The following DOK7 variants were observed in gnomAD, a reference collection of about 807,000 sequenced individuals.
DOK7 encodes the protein docking protein 7.
In DOK7, 32 loss-of-function variants were observed where a neutral mutation model predicts 30.7. The observed-to-expected ratio is 1.04, with a 90% CI of 0.79 to 1.40. The LOEUF (loss-of-function observed/expected upper bound fraction) is 1.40, where lower values mean the gene tolerates loss of function less well. Ranked by LOEUF, DOK7 falls within the 40% of genes most tolerant of loss-of-function variation. DOK7 has a pLI of 0.00. For synonymous variants in DOK7, 447 were observed against 324.1 expected, an observed-to-expected ratio of 1.38 and a Z score of -4.07; for missense variants, 1,007 against 699.2, an observed-to-expected ratio of 1.44 and a Z score of -4.97.
At chr4:3,473,382 C>T in intron 2 of DOK7, 24 bp from the exon 3 acceptor site, 4 of 1,608,908 alleles carry the variant, frequency 2.5e-6, no homozygotes, top group Non-Finnish European at 3.4e-6. Context: ...TGGCTGGCGT[C>T]CCTGACGGCC....
downstream of DOK7, among the ~76,000 whole-genome samples, chr4:3,496,038 T>A (rs1728891988): frequency 1.3e-5 from 2 of 152,008 alleles, no homozygotes; most frequent in Admixed American, 6.5e-5. Context: ...AACAGGAGGG[T>A]GCTGCGCCTT....
intron 4 of DOK7, among the ~76,000 whole-genome samples, chr4:3,482,375 C>T (rs986700787): frequency 6.6e-6 from 1 of 152,254 alleles, no homozygotes; most frequent in African/African-American, 2.4e-5. Context: ...AAGCACTGTG[C>T]CGGCTGTTGG....
chr4:3,478,383 G>GC (rs1727236059), intron 4 of DOK7, among the ~76,000 whole-genome samples: 1 of 152,214 alleles, frequency 6.6e-6, no homozygotes, highest in African/African-American at 2.4e-5. Flanking sequence ...AGGCTACTGT[G>GC]CCGTTTTCCT....
At chr4:3,500,669 C>T (rs753261160) in intron 7 of DOK7, 24 of 1,535,678 alleles carry the variant, frequency 1.6e-5, no homozygotes, top group Admixed American at 1.4e-4. Flanking sequence ...CGCAGGCTGC[C>T]GCTCACTACA....
intron 4 of DOK7, among the ~76,000 whole-genome samples, chr4:3,483,198 G>A (rs1455704773): frequency 4.0e-5 from 3 of 74,846 alleles, no homozygotes; most frequent in Non-Finnish European, 8.1e-5. Flanking sequence ...ATGTAGGGGT[G>A]TGGAGGGTGG....
intron 2 of DOK7, among the ~76,000 whole-genome samples, chr4:3,467,276 C>G (rs532290785): frequency 2.0e-5 from 3 of 151,990 alleles, no homozygotes; most frequent in East Asian, 1.9e-4. Flanking sequence ...CGGCTTCTCC[C>G]CCTCCTCCTT....
chr4:3,489,644 C>T (rs1019100913), intron 5 of DOK7, 33 bp from the exon 6 acceptor site: 12 of 1,559,072 alleles, frequency 7.7e-6, no homozygotes, highest in Admixed American at 1.9e-5. Flanking sequence ...CGGTGGTGGC[C>T]ACCTCCTCCA....
At chr4:3,470,107 C>T (rs995509972) in intron 2 of DOK7, among the ~76,000 whole-genome samples, 1 of 152,216 alleles carries the variant, frequency 6.6e-6, no homozygotes, top group Non-Finnish European at 1.5e-5. Context: ...CCAGGCTTCC[C>T]AGAGGGGCTC....
Position 3,484,849 on chromosome 4 carries a change from G to T in DOK7, c.533-690G>T, listed in dbSNP as rs543311244. 39 of 985,472 alleles carry T rather than the reference G, an allele frequency of 4.0e-5. No individual in the cohort carries two copies. In the African/African-American group the frequency reaches 6.5e-4, roughly 16 times the overall value. 61.0% of individuals were successfully genotyped at this position (985,472 alleles called of 1,614,324 possible). ...GCTGCAGCATGTGTGGGCAGGTGCCGTGCCACACCTTTTACAAACATCTGA... is the reference window on the plus strand; with the variant it reads ...GCTGCAGCATGTGTGGGCAGGTGCCTTGCCACACCTTTTACAAACATCTGA... On this transcript the variant is annotated intron_variant, in intron 4 of 6. Coordinates refer to ENST00000340083, the MANE Select transcript of DOK7 (RefSeq NM_173660.5).
At chr4:3,475,267 A>C (rs934943876) in intron 3 of DOK7, among the ~76,000 whole-genome samples, 1 of 152,258 alleles carries the variant, frequency 6.6e-6, no homozygotes, top group African/African-American at 2.4e-5. Flanking sequence ...CCGCTGGCGC[A>C]GGGCCATGGC....
chr4:3,478,508 C>A (rs911847220), intron 4 of DOK7, among the ~76,000 whole-genome samples: 3 of 138,590 alleles, frequency 2.2e-5, no homozygotes, highest in African/African-American at 8.5e-5. Context: ...GCTGGCCCCA[C>A]AGAACCTGAA....
intron 4 of DOK7, among the ~76,000 whole-genome samples, chr4:3,482,795 C>G (rs916080262): frequency 6.6e-6 from 1 of 152,204 alleles, no homozygotes; most frequent in African/African-American, 2.4e-5. Flanking sequence ...CCACCCAAGG[C>G]CGAGCACTGG....
chr4:3,493,997 C>G lies in DOK7; in HGVS notation c.*496C>G, dbSNP rs534317817. On this transcript the variant is annotated 3_prime_UTR_variant, in exon 7 of 7. Transcript: ENST00000340083. Reference sequence around the variant, plus strand: ...ACCTGGGCTCCACCAGCCCAGCCCCCCTGGGCTCCGTGTGCGCTGGGCCTC... The same window carrying G: ...ACCTGGGCTCCACCAGCCCAGCCCCGCTGGGCTCCGTGTGCGCTGGGCCTC... 1.9e-3 allele frequency: 1,848 copies of G among 972,762 alleles called. 4 individuals are homozygous for G. The highest frequency in any genetic ancestry group is 5.3e-3 in the African/African-American group (277 of 52,160). The allele number at this position is 972,762 out of a possible 1,614,324, so 60.3% of individuals were successfully genotyped here. A position where few individuals can be genotyped will look rare whatever the true frequency, so the allele number is the denominator to read the frequency against.
intron 2 of DOK7, among the ~76,000 whole-genome samples, chr4:3,470,016 C>T (rs935775745): frequency 2.6e-5 from 4 of 152,144 alleles, no homozygotes; most frequent in Non-Finnish European, 4.4e-5. Flanking sequence ...CACAGCTGGG[C>T]CTTCAAACAA....
At position 3,493,168 on chromosome 4, in the gene DOK7, G is replaced by C; in HGVS notation, c.1182G>C (p.Glu394Asp). The C allele has an allele frequency of 6.2e-7, 1 of 1,608,120 alleles. No homozygotes were observed. The highest frequency in any genetic ancestry group is 1.1e-5 in the South Asian group (1 of 90,402). Residue 394 changes from glutamate to aspartate, a missense_variant, in exon 7 of 7, where the codon GAG (glutamate) becomes GAC (aspartate). By Grantham distance (45) the Glu-to-Asp change is conservative. Coordinates refer to ENST00000340083, the MANE Select transcript of DOK7 (RefSeq NM_173660.5). ...SLCTCLPGTV[E>D]YQVPTSLRAH... ...GCACCTGCCTGCCCGGGACAGTCGAGTACCAGGTGCCCACCTCCCTGCGGG... is the reference window on the plus strand; with the variant it reads ...GCACCTGCCTGCCCGGGACAGTCGACTACCAGGTGCCCACCTCCCTGCGGG...
downstream of DOK7, among the ~76,000 whole-genome samples, chr4:3,495,941 TGTCTGCCCTTGA>T (rs1261213752): frequency 2.0e-5 from 3 of 152,302 alleles, no homozygotes; most frequent in East Asian, 5.8e-4. Flanking sequence ...GCCCTGTGAC[TGTCTGCCCTTGA>T]GTCTGGCCTG....
In DOK7 at chr4:3,472,443, C is replaced by T. The variant is rs78439748; in HGVS notation, c.101-963C>T. On this transcript the variant is annotated intron_variant, in intron 2 of 6. Transcript: ENST00000340083. ...CCAAAACCTACACCCTCGCCGAAGC[C>T]GGGTATCCTGGAGCCCAGCTGCCGG... 7.2e-3 allele frequency among the ~76,000 whole-genome samples: 1,103 copies of T among 152,328 alleles called. 9 individuals carry two copies. The highest frequency in any genetic ancestry group is 0.01 in the Middle Eastern group (3 of 294).
downstream of DOK7, among the ~76,000 whole-genome samples, chr4:3,499,098 G>A (rs188259190): frequency 0.02 from 3,118 of 152,338 alleles, 63 homozygotes; most frequent in Non-Finnish European, 0.023. Flanking sequence ...GGCAGGTGCC[G>A]GGCAGCGGGT....
chr4:3,498,484 G>A (rs1729032442), downstream of DOK7, among the ~76,000 whole-genome samples: 1 of 152,182 alleles, frequency 6.6e-6, no homozygotes, highest in Non-Finnish European at 1.5e-5. Flanking sequence ...ATCCTAAAAC[G>A]AGGTACCAGG....
Sources: allele counts gnomAD v4.1 joint callset (sites outside exome capture counted in the v4.1 genomes callset), GRCh38; gene constraint gnomAD v4.1.1; transcripts MANE v1.5; gene names NCBI Gene and HGNC (gene_info 2026-07-23, HGNC 2026-07-21).